The following SLC24A3 variants were observed in gnomAD, a reference collection of about 807,000 sequenced individuals.
SLC24A3 encodes sodium/potassium/calcium exchanger 3.
SLC24A3 carries 28 observed loss-of-function variants against 75.8 expected under a neutral mutation model. That is an observed-to-expected ratio of 0.37 (90% CI 0.27 to 0.51). The LOEUF (loss-of-function observed/expected upper bound fraction) is 0.51. Ranked by LOEUF, SLC24A3 falls within the 20% of genes least tolerant of loss-of-function variation. The probability of loss-of-function intolerance (pLI) is 0.94; values close to 1 mark genes in which losing one functional copy is unlikely to be tolerated. For missense variants in SLC24A3, 663 were observed against 847.8 expected, an observed-to-expected ratio of 0.78 and a Z score of 2.71; for synonymous variants, 372 against 334.1, an observed-to-expected ratio of 1.11 and a Z score of -1.24.
chr20:19,301,178 C>T (rs1048843831), intron 2 of SLC24A3, among the ~76,000 whole-genome samples: 1 of 152,146 alleles, frequency 6.6e-6, no homozygotes, highest in African/African-American at 2.4e-5. Flanking sequence ...CCCTGTTCAG[C>T]TTAGGATTGG....
chr20:19,721,402 T>G lies in SLC24A3; in HGVS notation c.*262T>G. The G allele has an allele frequency of 2.3e-6, 1 of 427,094 alleles. No individual in the cohort carries two copies. The highest frequency in any genetic ancestry group is 4.1e-6 in the Non-Finnish European group (1 of 241,540). The allele number at this position is 427,094 out of a possible 1,614,324, so 26.5% of individuals were successfully genotyped here. On this transcript the variant is annotated 3_prime_UTR_variant, in exon 17 of 17. Coordinates refer to ENST00000328041, the MANE Select transcript of SLC24A3 (RefSeq NM_020689.4). ...TCCACGTGACTTTTCCAGCTCCATTTTTGAACAGTGACTGAGATTCTAGAA... is the reference window on the plus strand; with the variant it reads ...TCCACGTGACTTTTCCAGCTCCATTGTTGAACAGTGACTGAGATTCTAGAA...
chr20:19,580,511 C>A (rs78983218), intron 4 of SLC24A3, among the ~76,000 whole-genome samples: 1,632 of 152,180 alleles, frequency 0.011, 28 homozygotes, highest in African/African-American at 0.037. Context: ...CTCTGCCATG[C>A]TTCCTCTCTC....
At chr20:19,251,459 A>C (rs1423889871) in intron 1 of SLC24A3, among the ~76,000 whole-genome samples, 1 of 152,196 alleles carries the variant, frequency 6.6e-6, no homozygotes, top group Non-Finnish European at 1.5e-5. Context: ...ACTTGGGTGC[A>C]AGGAGGTGAC....
chr20:19,252,630 G>C (rs1982692373), intron 1 of SLC24A3, among the ~76,000 whole-genome samples: 1 of 135,736 alleles, frequency 7.4e-6, no homozygotes, highest in Non-Finnish European at 1.5e-5. Flanking sequence ...CAAAAAGCCT[G>C]AAATTGGAAT....
chr20:19,327,721 TCATGGTCTGATG>T (rs1191717061), intron 2 of SLC24A3, among the ~76,000 whole-genome samples: 7 of 152,224 alleles, frequency 4.6e-5, no homozygotes, highest in African/African-American at 1.4e-4. Flanking sequence ...TCCCCTACTT[TCATGGTCTGATG>T]CATGGGTGCA....
intron 1 of SLC24A3, among the ~76,000 whole-genome samples, chr20:19,268,617 C>T (rs1235065320): frequency 6.6e-6 from 1 of 152,220 alleles, no homozygotes; most frequent in African/African-American, 2.4e-5. Context: ...CAAATTGACA[C>T]ATCACCAAGA....
At chr20:19,646,955 C>G (rs2032147465) in intron 6 of SLC24A3, among the ~76,000 whole-genome samples, 1 of 151,914 alleles carries the variant, frequency 6.6e-6, no homozygotes, top group Admixed American at 6.6e-5. Context: ...GGCTTTTCAC[C>G]CTTACCAGTT....
intron 2 of SLC24A3, among the ~76,000 whole-genome samples, chr20:19,282,511 TAAG>T (rs1196002193): frequency 2.6e-5 from 4 of 152,238 alleles, no homozygotes; most frequent in African/African-American, 7.2e-5. Flanking sequence ...ACGTGTACTT[TAAG>T]AAGCAGAGAT....
intron 7 of SLC24A3, among the ~76,000 whole-genome samples, chr20:19,664,683 T>C (rs573761829): frequency 2.6e-5 from 4 of 152,340 alleles, no homozygotes; most frequent in African/African-American, 4.8e-5. Flanking sequence ...ACCCAGAGTG[T>C]CCTGCAAGTG....
At chr20:19,256,698 A>T (rs1982825500) in intron 1 of SLC24A3, among the ~76,000 whole-genome samples, 1 of 150,714 alleles carries the variant, frequency 6.6e-6, no homozygotes, top group East Asian at 2.0e-4. Flanking sequence ...GAACCCAGGA[A>T]GTAGAGGTTG....
rs371690304 is a variant in SLC24A3, at chr20:19,476,192, T to A, written c.272-39296T>A. On this transcript the variant is annotated intron_variant, in intron 2 of 16. Coordinates refer to ENST00000328041, the MANE Select transcript of SLC24A3 (RefSeq NM_020689.4). ...TGTTGCAGCTGGTTATATAAATGCC[T>A]TCAGAGATTCATTCTGGTGAGCAAT... 1.9e-4 allele frequency among the ~76,000 whole-genome samples: 29 copies of A among 152,352 alleles called. No homozygotes were observed. The South Asian group carries it at 5.6e-3, about 29-fold the overall frequency.
intron 3 of SLC24A3, among the ~76,000 whole-genome samples, chr20:19,575,474 G>A (rs2031120532): frequency 6.6e-6 from 1 of 152,178 alleles, no homozygotes; most frequent in South Asian, 2.1e-4. Flanking sequence ...TCATGGTCCA[G>A]GCTACACATG....
In SLC24A3 at chr20:19,668,137, T is replaced by G. The variant is rs112034423; in HGVS notation, c.713+2248T>G. Among the ~76,000 whole-genome samples, 914 of 152,336 alleles carry G rather than the reference T, an allele frequency of 6.0e-3. 2 individuals carry two copies. Among genetic ancestry groups the G allele is most frequent in the Middle Eastern group, 0.027 (8 of 294 alleles). ...ACATTCTTCCCAGAGCACTGGCCTG[T>G]CGTGTAACTTGTTATTACACGCATG... On this transcript the variant is annotated intron_variant, in intron 8 of 16. Coordinates refer to ENST00000328041, the MANE Select transcript of SLC24A3 (RefSeq NM_020689.4).
At chr20:19,654,602 A>G (rs900688168) in intron 7 of SLC24A3, among the ~76,000 whole-genome samples, 9 of 148,010 alleles carry the variant, frequency 6.1e-5, no homozygotes, top group African/African-American at 2.3e-4. Flanking sequence ...TCTACTAGAC[A>G]TCTCCATGCC....
At chr20:19,682,880 T>C (rs2032631200) in intron 10 of SLC24A3, among the ~76,000 whole-genome samples, 1 of 152,244 alleles carries the variant, frequency 6.6e-6, no homozygotes, top group Non-Finnish European at 1.5e-5. Flanking sequence ...GGAAATTAGA[T>C]GGTGCTCTCA....
chr20:19,346,853 AAAAAAG>A (rs927285731), intron 2 of SLC24A3, among the ~76,000 whole-genome samples: 2 of 146,474 alleles, frequency 1.4e-5, no homozygotes, highest in African/African-American at 5.6e-5. Context: ...AAAAGTAATA[AAAAAAG>A]AAAAGAAGAG....
chr20:19,645,608 G>A (rs2032127615), intron 6 of SLC24A3, among the ~76,000 whole-genome samples: 1 of 152,098 alleles, frequency 6.6e-6, no homozygotes, highest in Non-Finnish European at 1.5e-5. Flanking sequence ...AGTGACACAA[G>A]TTGCCTGGTC....
chr20:19,341,900 T>G (rs1033216337), intron 2 of SLC24A3, among the ~76,000 whole-genome samples: 3 of 152,218 alleles, frequency 2.0e-5, no homozygotes, highest in Non-Finnish European at 4.4e-5. Flanking sequence ...TGTCTCTGTG[T>G]GTTTCTGACC....
intron 1 of SLC24A3, among the ~76,000 whole-genome samples, chr20:19,262,615 C>T (rs997503008): frequency 5.9e-5 from 9 of 152,054 alleles, no homozygotes; most frequent in African/African-American, 2.2e-4. Flanking sequence ...ATGATGATGG[C>T]CCATCCCTGG....
Sources: allele counts gnomAD v4.1 joint callset (sites outside exome capture counted in the v4.1 genomes callset), GRCh38; gene constraint gnomAD v4.1.1; transcripts MANE v1.5; gene names NCBI Gene and HGNC (gene_info 2026-07-23, HGNC 2026-07-21).